Variants in C1orf21 observed in about 807,000 individuals in gnomAD.
The protein encoded by C1orf21 is uncharacterized protein C1orf21.
In C1orf21, 3 loss-of-function variants were observed where a neutral mutation model predicts 18.7. The observed-to-expected ratio is 0.16, with a 90% CI of 0.07 to 0.42. C1orf21 has a LOEUF of 0.42. C1orf21 is among the 10% of genes least tolerant of loss of function. C1orf21 has a pLI of 0.99. For missense variants in C1orf21, 104 were observed against 143.6 expected, an observed-to-expected ratio of 0.72 and a Z score of 1.41; for synonymous variants, 41 against 46.4, an observed-to-expected ratio of 0.88 and a Z score of 0.47.
chr1:184,572,317 A>G (rs1409642567), intron 3 of C1orf21, among the ~76,000 whole-genome samples: 1 of 152,186 alleles, frequency 6.6e-6, no homozygotes, highest in Non-Finnish European at 1.5e-5. Context: ...ACAACATACA[A>G]TTATTTGAGA....
intron 1 of C1orf21, among the ~76,000 whole-genome samples, chr1:184,418,125 T>C (rs1057048567): frequency 6.6e-6 from 1 of 152,078 alleles, no homozygotes; most frequent in African/African-American, 2.4e-5. Flanking sequence ...CTTTTGCTCA[T>C]AGATCCTGTC....
chr1:184,566,307 C>G (rs1411708032), intron 3 of C1orf21, among the ~76,000 whole-genome samples: 1 of 152,164 alleles, frequency 6.6e-6, no homozygotes, highest in Non-Finnish European at 1.5e-5. Flanking sequence ...CATCTGCTGC[C>G]CTTTTGGTTT....
intron 4 of C1orf21, among the ~76,000 whole-genome samples, chr1:184,592,723 C>T (rs558656243): frequency 6.6e-6 from 1 of 152,300 alleles, no homozygotes; most frequent in African/African-American, 2.4e-5. Flanking sequence ...CTGGTTCTTC[C>T]AGAAAATTGT....
chr1:184,569,913 G>T (rs1435799559), intron 3 of C1orf21, among the ~76,000 whole-genome samples: 2 of 152,196 alleles, frequency 1.3e-5, no homozygotes, highest in South Asian at 4.1e-4. Context: ...CAGAAGCCAA[G>T]AATTTAGGGC....
chr1:184,420,303 G>T (rs538577869), intron 1 of C1orf21, among the ~76,000 whole-genome samples: 16 of 151,976 alleles, frequency 1.1e-4, no homozygotes, highest in African/African-American at 3.9e-4. Flanking sequence ...TTGTGGGGGG[G>T]TGGGCTGGTT....
intron 2 of C1orf21, among the ~76,000 whole-genome samples, chr1:184,496,127 T>G (rs948755617): frequency 4.6e-5 from 7 of 151,936 alleles, no homozygotes; most frequent in Non-Finnish European, 7.4e-5. Context: ...AGGTAACAGG[T>G]TATTTGCATG....
intron 2 of C1orf21, among the ~76,000 whole-genome samples, chr1:184,502,680 C>T (rs898161936): frequency 5.3e-5 from 8 of 152,096 alleles, no homozygotes; most frequent in East Asian, 1.9e-4. Context: ...TACTTCCCCT[C>T]GTAGAGATAC....
At chr1:184,540,240 A>T (rs2101977146) in intron 3 of C1orf21, 1 of 152,340 alleles carries the variant, frequency 6.6e-6, no homozygotes, top group East Asian at 1.9e-4. Context: ...TCAAATTATT[A>T]GTTCAATTTA....
At chr1:184,428,223 C>T (rs910074459) in intron 1 of C1orf21, among the ~76,000 whole-genome samples, 4 of 150,262 alleles carry the variant, frequency 2.7e-5, no homozygotes, top group African/African-American at 9.8e-5. Context: ...GGAACATTTT[C>T]CAGAAGATCT....
chr1:184,474,886 A>T (rs1174372975), intron 1 of C1orf21, among the ~76,000 whole-genome samples: 7 of 152,150 alleles, frequency 4.6e-5, no homozygotes, highest in Non-Finnish European at 1.0e-4. Flanking sequence ...CTGTTACCTT[A>T]CGTGATAATG....
At chr1:184,579,388 T>C (rs1355146885) in intron 3 of C1orf21, among the ~76,000 whole-genome samples, 1 of 125,156 alleles carries the variant, frequency 8.0e-6, no homozygotes, top group Non-Finnish European at 1.6e-5. Context: ...GGTTTTTTTT[T>C]TTTTTTTTTT....
intron 3 of C1orf21, among the ~76,000 whole-genome samples, chr1:184,525,189 A>G (rs563011769): frequency 3.3e-5 from 5 of 152,008 alleles, no homozygotes; most frequent in African/African-American, 9.6e-5. Flanking sequence ...TTATTTTTAT[A>G]TAAATTTTGG....
chr1:184,597,312 C>G (rs1659530105), intron 4 of C1orf21, among the ~76,000 whole-genome samples: 1 of 152,146 alleles, frequency 6.6e-6, no homozygotes, highest in African/African-American at 2.4e-5. Flanking sequence ...TCATTGCTCA[C>G]AGATTTTAAT....
rs1659971820 is a variant in C1orf21 at position 184,624,330 on chromosome 1, T to C, written c.*4774T>C. The C allele has an allele frequency of 4.6e-5, 7 of 152,682 alleles. No individual in the cohort carries two copies. In the South Asian group the frequency reaches 1.5e-3, roughly 32 times the overall value. 9.5% of individuals were successfully genotyped at this position (152,682 alleles called of 1,614,324 possible). On this transcript the variant is annotated 3_prime_UTR_variant, in exon 6 of 6. Transcript: ENST00000235307. Reference sequence around the variant, plus strand: ...CCACTGGCTAACAGTAGGACTTCAGTGCCCTGAGGAAAAGGCTTTGGGAAT... The same window carrying C: ...CCACTGGCTAACAGTAGGACTTCAGCGCCCTGAGGAAAAGGCTTTGGGAAT...
intron 1 of C1orf21, among the ~76,000 whole-genome samples, chr1:184,467,408 C>T (rs1034143523): frequency 7.9e-5 from 12 of 152,150 alleles, no homozygotes; most frequent in African/African-American, 2.9e-4. Flanking sequence ...AGCTCACTGA[C>T]CTTGACTTGT....
chr1:184,414,912 G>C (rs1457109962), intron 1 of C1orf21, among the ~76,000 whole-genome samples: 1 of 152,126 alleles, frequency 6.6e-6, no homozygotes, highest in African/African-American at 2.4e-5. Context: ...GGGAAAGCAA[G>C]CCACCTTTGC....
At chr1:184,471,704 A>G (rs1398927456) in intron 1 of C1orf21, among the ~76,000 whole-genome samples, 1 of 152,136 alleles carries the variant, frequency 6.6e-6, no homozygotes, top group Non-Finnish European at 1.5e-5. Flanking sequence ...ATAAACACTT[A>G]TTGTGGTTAC....
intron 1 of C1orf21, among the ~76,000 whole-genome samples, chr1:184,459,976 C>T (rs963518537): frequency 1.3e-5 from 2 of 152,148 alleles, no homozygotes; most frequent in African/African-American, 4.8e-5. Flanking sequence ...CTCAGCACAC[C>T]GTTTCCCTTC....
At chr1:184,405,257 A>G (rs1170974892) in intron 1 of C1orf21, among the ~76,000 whole-genome samples, 1 of 151,888 alleles carries the variant, frequency 6.6e-6, no homozygotes, top group African/African-American at 2.4e-5. Flanking sequence ...GTGCAGTGGC[A>G]CGATCACAGC....
Sources: allele counts gnomAD v4.1 joint callset (sites outside exome capture counted in the v4.1 genomes callset), GRCh38; gene constraint gnomAD v4.1.1; transcripts MANE v1.5; gene names NCBI Gene and HGNC (gene_info 2026-07-23, HGNC 2026-07-21).